Variants in PYGB observed in about 807,000 individuals in gnomAD.
PYGB encodes the protein glycogen phosphorylase B, also known as glycogen phosphorylase, brain form.
A neutral mutation model predicts 94.3 loss-of-function variants in PYGB; 82 were observed. The ratio of observed to expected loss-of-function variants is 0.87; its 90% CI spans 0.73 to 1.04. The LOEUF is 1.04. Ranked by LOEUF, PYGB falls within the 50% of genes least tolerant of loss-of-function variation. The pLI is 0.00. For missense variants in PYGB, 1,132 were observed against 1,158.2 expected, an observed-to-expected ratio of 0.98 and a Z score of 0.33; for synonymous variants, 488 against 479.1, an observed-to-expected ratio of 1.02 and a Z score of -0.24.
intron 16 of PYGB, among the ~76,000 whole-genome samples, chr20:25,291,654 C>T (rs934920811): frequency 6.6e-6 from 1 of 152,076 alleles, no homozygotes; most frequent in Non-Finnish European, 1.5e-5. Flanking sequence ...GAAGCATCTC[C>T]TCTCCCCCGT....
Position 25,257,617 on chromosome 20 carries a change from C to G in PYGB, c.244-1620C>G, listed in dbSNP as rs1184038120. On this transcript the variant is annotated intron_variant, in intron 1 of 19. Transcript: ENST00000216962. ...GCTGAGACGCGAGGATCACTTGAGGCCAGGAGTTTGCAGCCAGCCTGGGCA... is the reference window on the plus strand; with the variant it reads ...GCTGAGACGCGAGGATCACTTGAGGGCAGGAGTTTGCAGCCAGCCTGGGCA... Among the ~76,000 whole-genome samples, 9 of 152,218 alleles carry G rather than the reference C, an allele frequency of 5.9e-5. 1 individual carries two copies. The highest frequency in any genetic ancestry group is 2.2e-4 in the African/African-American group (9 of 41,522).
intron 2 of PYGB, among the ~76,000 whole-genome samples, chr20:25,266,152 ATAGT>A (rs1409655545): frequency 1.3e-5 from 2 of 152,134 alleles, no homozygotes; most frequent in African/African-American, 4.8e-5. Context: ...CGCCTGGCTG[ATAGT>A]ATCTTTTGAT....
At chr20:25,257,879 G>A (rs1387300315) in intron 1 of PYGB, among the ~76,000 whole-genome samples, 2 of 152,172 alleles carry the variant, frequency 1.3e-5, no homozygotes, top group African/African-American at 4.8e-5. Flanking sequence ...GGGGGAGGCA[G>A]GTGCTATGGA....
At chr20:25,294,033 C>T (rs975116618) in intron 17 of PYGB, 125 bp from the exon 18 acceptor site, 11 of 1,324,438 alleles carry the variant, frequency 8.3e-6, no homozygotes, top group African/African-American at 2.9e-5. Context: ...TGCCCTGGAC[C>T]GTGCAGGCCT....
At chr20:25,294,363 A>G in intron 18 of PYGB, 71 bp downstream of exon 18, 1 of 1,493,784 alleles carries the variant, frequency 6.7e-7, no homozygotes, top group Non-Finnish European at 9.2e-7. Context: ...CGTGGGTTGG[A>G]TATTCCACCT....
intron 4 of PYGB, among the ~76,000 whole-genome samples, chr20:25,272,376 G>A (rs2088275032): frequency 6.6e-6 from 1 of 152,182 alleles, no homozygotes; most frequent in Admixed American, 6.5e-5. Context: ...CTCGTCCATG[G>A]CGTCTGTAAG....
At chr20:25,260,204 CTGGCAGGTGACT>C (rs1488770483) in intron 2 of PYGB, among the ~76,000 whole-genome samples, 1 of 152,186 alleles carries the variant, frequency 6.6e-6, no homozygotes, top group African/African-American at 2.4e-5. Context: ...AAAGGTTACC[CTGGCAGGTGACT>C]TGTCATTTAC....
At chr20:25,269,099 T>C in intron 2 of PYGB, 30 bp from the exon 3 acceptor site, 1 of 1,519,538 alleles carries the variant, frequency 6.6e-7, no homozygotes, top group Non-Finnish European at 9.1e-7. Flanking sequence ...TTGAGTAACA[T>C]TAAAATGCTG....
chr20:25,254,248 T>G (rs2092896860), intron 1 of PYGB, among the ~76,000 whole-genome samples: 2 of 152,208 alleles, frequency 1.3e-5, no homozygotes, highest in Admixed American at 1.3e-4. Context: ...TGTCACCAGC[T>G]GTCCTGCTTA....
intron 11 of PYGB, 59 bp downstream of exon 11, chr20:25,281,171 A>G: frequency 1.3e-6 from 2 of 1,586,354 alleles, no homozygotes; most frequent in Non-Finnish European, 8.6e-7. Context: ...GCCTGCGTCT[A>G]GGACCATCCA....
At chr20:25,260,376 G>A (rs1405308027) in intron 2 of PYGB, among the ~76,000 whole-genome samples, 2 of 152,120 alleles carry the variant, frequency 1.3e-5, no homozygotes, top group African/African-American at 4.8e-5. Flanking sequence ...AAAAATTTTA[G>A]GGAATAGTTT....
At chr20:25,290,433 C>T in intron 15 of PYGB, 48 bp from the exon 16 acceptor site, 2 of 1,590,234 alleles carry the variant, frequency 1.3e-6, no homozygotes, top group Non-Finnish European at 1.7e-6. Context: ...CCTCCAAGGG[C>T]CTGAACAAGG....
chr20:25,248,150 A>C lies in PYGB; in HGVS notation c.-29A>C, dbSNP rs1407022790. The C allele has an allele frequency of 1.3e-6, 2 of 1,566,432 alleles. No homozygotes were observed. Among genetic ancestry groups the C allele is most frequent in the African/African-American group, 1.4e-5 (1 of 71,968 alleles). ...GCGTGTGCCGCCGCTTTCCTCCTCC[A>C]TCTCTTTTCCTCCGCCTCCGCCGGC... On this transcript the variant is annotated 5_prime_UTR_variant, in exon 1 of 20. Coordinates refer to ENST00000216962, the MANE Select transcript of PYGB (RefSeq NM_002862.4).
chr20:25,271,465 G>A lies in PYGB; in HGVS notation c.507G>A (p.Gln169=), dbSNP rs202184631. ...GCTATGAATTTGGGATTTTTAACCAGAAGATTGTCAATGGCTGGCAGGTGG... is the reference window on the plus strand; with the variant it reads ...GCTATGAATTTGGGATTTTTAACCAAAAGATTGTCAATGGCTGGCAGGTGG... ...GIRYEFGIFN[Q]KIVNGWQVEE... is the part of the protein sequence containing the mutation. The change falls in exon 4 of 20, where the codon CAG becomes CAA. Residue 169 remains glutamine (Q), a synonymous_variant. Coordinates refer to ENST00000216962, the MANE Select transcript of PYGB (RefSeq NM_002862.4). The A allele has an allele frequency of 2.5e-6, 4 of 1,613,940 alleles. No individual in the cohort carries two copies. The South Asian group carries it at 3.3e-5, about 13-fold the overall frequency.
At chr20:25,288,596 C>A (rs1217766848) in intron 15 of PYGB, 113 bp downstream of exon 15, 1 of 1,270,726 alleles carries the variant, frequency 7.9e-7, no homozygotes, top group East Asian at 2.3e-5. Context: ...ACCGGATGCC[C>A]AGCGGTCACC....
intron 11 of PYGB, 130 bp from the exon 12 acceptor site, chr20:25,281,900 TCTC>T (rs10582106): frequency 0.44 from 341,445 of 780,132 alleles, 81,030 homozygotes; most frequent in East Asian, 0.91. Context: ...GTCACTCTGT[TCTC>T]CTTAGAAAAC....
At chr20:25,279,979 T>C (rs1442746974) in intron 9 of PYGB, among the ~76,000 whole-genome samples, 5 of 152,234 alleles carry the variant, frequency 3.3e-5, no homozygotes, top group Non-Finnish European at 7.3e-5. Context: ...CGGCAGAGTG[T>C]GAAGGTGACT....
intron 15 of PYGB, 86 bp downstream of exon 15, chr20:25,288,569 C>G (rs567800278): frequency 6.8e-7 from 1 of 1,463,310 alleles, no homozygotes; most frequent in African/African-American, 1.4e-5. Flanking sequence ...ATGGTGCCAC[C>G]ACATCCATAC....
chr20:25,295,152 TCAGGA>T (rs1259576680), intron 18 of PYGB: 2 of 1,005,134 alleles, frequency 2.0e-6, no homozygotes, highest in Non-Finnish European at 3.2e-6. Context: ...GTTCAGCACA[TCAGGA>T]ACTGCAAGTC....
Sources: allele counts gnomAD v4.1 joint callset (sites outside exome capture counted in the v4.1 genomes callset), GRCh38; gene constraint gnomAD v4.1.1; transcripts MANE v1.5; gene names NCBI Gene and HGNC (gene_info 2026-07-23, HGNC 2026-07-21).